ZMYM4: variants seen among roughly 807,000 people sequenced by gnomAD.
ZMYM4 encodes zinc finger MYM-type containing 4, also known as zinc finger MYM-type protein 4.
ZMYM4 carries 31 observed loss-of-function variants against 183.2 expected under a neutral mutation model. That is an observed-to-expected ratio of 0.17 (90% confidence interval 0.13 to 0.23). The LOEUF (loss-of-function observed/expected upper bound fraction) is 0.23. Among genes scored for constraint, ZMYM4 ranks in the 10% least tolerant of loss-of-function variants. The probability of loss-of-function intolerance (pLI) is 1.00; values close to 1 mark genes in which losing one functional copy is unlikely to be tolerated. For synonymous variants in ZMYM4, 592 were observed against 631.2 expected (o/e 0.94, Z 0.93); for missense variants, 1,273 against 1,840.3 (o/e 0.69, Z 5.64).
rs901981854 is a variant in ZMYM4 at position 35,415,569 on chromosome 1, C to T, written c.4164C>T (p.Thr1388=). 1.2e-6 allele frequency: 2 copies of T among 1,614,156 alleles called. No homozygotes were observed. Among genetic ancestry groups the T allele is most frequent in the African/African-American group, 2.7e-5 (2 of 75,028 alleles). ...TAAACACCCTCCTTTTCTTCAATAC[C>T]AAATACTTCCAACTAAAGAATGTTA... ...VLLNTLLFFN[T]KYFQLKNVTE... The change falls in exon 28 of 30, where the codon ACC becomes ACT. Residue 1388 remains threonine, a synonymous_variant. Coordinates refer to ENST00000314607, the MANE Select transcript of ZMYM4 (RefSeq NM_005095.3).
chr1:35,365,105 C>T (rs1644038125), intron 5 of ZMYM4, among the ~76,000 whole-genome samples: 1 of 152,088 alleles, frequency 6.6e-6, no homozygotes, highest in Non-Finnish European at 1.5e-5. Context: ...GCTTAATTCG[C>T]CTAACAACCC....
chr1:35,416,772 C>G (rs1330322469), intron 28 of ZMYM4, among the ~76,000 whole-genome samples: 1 of 152,164 alleles, frequency 6.6e-6, no homozygotes, highest in Non-Finnish European at 1.5e-5. Context: ...CCATATTGGG[C>G]AAGCTGGTCT....
chr1:35,309,121 A>C, intron 1 of ZMYM4: 20 of 793,846 alleles, frequency 2.5e-5, no homozygotes, highest in South Asian at 5.7e-5. Context: ...TGCCAACCTC[A>C]TTGAATCTGA....
chr1:35,287,899 C>T (rs554765606), intron 1 of ZMYM4, among the ~76,000 whole-genome samples: 11 of 152,106 alleles, frequency 7.2e-5, no homozygotes, highest in Non-Finnish European at 1.0e-4. Context: ...CCCCCACTCC[C>T]GGCCTATTTT....
chr1:35,343,593 A>G (rs1325255463), intron 2 of ZMYM4, among the ~76,000 whole-genome samples: 2 of 152,196 alleles, frequency 1.3e-5, no homozygotes, highest in Non-Finnish European at 2.9e-5. Flanking sequence ...GGCTGGGCAC[A>G]GTGGCTGACA....
intron 8 of ZMYM4, 48 bp from the exon 9 acceptor site, chr1:35,381,498 T>C: frequency 6.2e-7 from 1 of 1,610,998 alleles, no homozygotes; most frequent in East Asian, 2.2e-5. Flanking sequence ...GAACAGCTTT[T>C]GATGCTCTCT....
chr1:35,277,795 A>T (rs991712136), intron 1 of ZMYM4, among the ~76,000 whole-genome samples: 4 of 152,144 alleles, frequency 2.6e-5, no homozygotes, highest in Non-Finnish European at 4.4e-5. Context: ...CAGAAAAATG[A>T]ATTGATGCCC....
chr1:35,391,342 TG>T (rs979795002), intron 15 of ZMYM4, among the ~76,000 whole-genome samples: 3 of 152,198 alleles, frequency 2.0e-5, no homozygotes, highest in Non-Finnish European at 4.4e-5. Context: ...CTCCCCCACC[TG>T]GGCCCCTTCC....
chr1:35,292,265 G>A (rs1640798673), intron 1 of ZMYM4: 1 of 152,170 alleles, frequency 6.6e-6, no homozygotes, highest in Non-Finnish European at 1.5e-5. Flanking sequence ...CCCCACTACT[G>A]ATCAGTATGG....
At chr1:35,307,657 C>T (rs1212495570) in intron 1 of ZMYM4, among the ~76,000 whole-genome samples, 9 of 150,842 alleles carry the variant, frequency 6.0e-5, no homozygotes, top group Admixed American at 2.0e-4. Context: ...GCCTCAGCCT[C>T]CCAAGTAGTT....
intron 2 of ZMYM4, among the ~76,000 whole-genome samples, chr1:35,350,380 C>A (rs914441822): frequency 6.6e-6 from 1 of 152,114 alleles, no homozygotes; most frequent in Non-Finnish European, 1.5e-5. Flanking sequence ...CCTCTACCTC[C>A]CAGGTTCAAG....
intron 1 of ZMYM4, among the ~76,000 whole-genome samples, chr1:35,311,773 T>G (rs1641812402): frequency 6.6e-6 from 1 of 152,228 alleles, no homozygotes; most frequent in African/African-American, 2.4e-5. Flanking sequence ...AGCAATAGTC[T>G]ATATATAGAA....
intron 1 of ZMYM4, among the ~76,000 whole-genome samples, chr1:35,304,269 C>T (rs1641423985): frequency 6.6e-6 from 1 of 151,946 alleles, no homozygotes; most frequent in South Asian, 2.1e-4. Context: ...AGTGATCTGC[C>T]CGCCTTGGTC....
At position 35,399,572 on chromosome 1, in the gene ZMYM4, G is replaced by A. The variant is rs1271181667; in HGVS notation, c.3524G>A (p.Arg1175Gln). The change falls in exon 23 of 30, where the codon CGA (arginine) becomes CAA (glutamine). Residue 1175 changes from arginine to glutamine, a missense_variant. Physicochemically the swap from Arg to Gln is conservative, Grantham distance 43. Coordinates refer to ENST00000314607, the MANE Select transcript of ZMYM4 (RefSeq NM_005095.3). ...RHRDGFPQPR[R>Q]RGRKKSIVAV... ...AGAGATGGCTTCCCCCAACCCAGACGAAGAGTAAGCTGCAGCTTAACTTTT... is the reference window on the plus strand; with the variant it reads ...AGAGATGGCTTCCCCCAACCCAGACAAAGAGTAAGCTGCAGCTTAACTTTT... 3 of 1,613,938 alleles carry A rather than the reference G, an allele frequency of 1.9e-6. No individual in the cohort carries two copies. Among genetic ancestry groups the A allele is most frequent in the Non-Finnish European group, 2.5e-6 (3 of 1,179,938 alleles).
intron 1 of ZMYM4, among the ~76,000 whole-genome samples, chr1:35,306,618 T>A (rs1641544922): frequency 6.6e-6 from 1 of 152,210 alleles, no homozygotes; most frequent in Non-Finnish European, 1.5e-5. Context: ...CTACTTAAAA[T>A]TTTTCAGTGG....
chr1:35,320,806 C>G (rs779817885), intron 1 of ZMYM4, among the ~76,000 whole-genome samples: 3 of 152,148 alleles, frequency 2.0e-5, no homozygotes, highest in East Asian at 1.9e-4. Flanking sequence ...TTCTGTGTTG[C>G]GAGACTGTTA....
intron 1 of ZMYM4, among the ~76,000 whole-genome samples, chr1:35,310,868 G>A (rs993211752): frequency 2.0e-5 from 3 of 152,012 alleles, no homozygotes; most frequent in Admixed American, 6.6e-5. Context: ...GTGAGCCACC[G>A]CATTCGGCCT....
chr1:35,283,633 G>A (rs1412446172), intron 1 of ZMYM4, among the ~76,000 whole-genome samples: 4 of 151,926 alleles, frequency 2.6e-5, no homozygotes, highest in East Asian at 1.9e-4. Flanking sequence ...CACTGCACCC[G>A]GCCTTGAAGT....
intron 2 of ZMYM4, among the ~76,000 whole-genome samples, chr1:35,329,056 C>T (rs575190050): frequency 4.6e-5 from 7 of 152,152 alleles, no homozygotes; most frequent in African/African-American, 1.7e-4. Flanking sequence ...TGGTATAATC[C>T]TATCACTGTC....
Sources: allele counts gnomAD v4.1 joint callset (sites outside exome capture counted in the v4.1 genomes callset), GRCh38; gene constraint gnomAD v4.1.1; transcripts MANE v1.5; gene names NCBI Gene and HGNC (gene_info 2026-07-23, HGNC 2026-07-21).